Variants in GRM1 observed in about 807,000 individuals in gnomAD.
GRM1 encodes glutamate metabotropic receptor 1, also known as metabotropic glutamate receptor 1.
In GRM1, 33 loss-of-function variants were observed where a neutral mutation model predicts 90.9. The observed-to-expected ratio is 0.36, with a 90% CI of 0.28 to 0.49. The LOEUF (loss-of-function observed/expected upper bound fraction) is 0.49, where lower values mean the gene tolerates loss of function less well. Ranked by LOEUF, GRM1 falls within the 20% of genes least tolerant of loss-of-function variation. GRM1 has a pLI of 0.99. For synonymous variants in GRM1, 700 were observed against 613.2 expected, an observed-to-expected ratio of 1.14 and a Z score of -2.09; for missense variants, 1,190 against 1,534.3, an observed-to-expected ratio of 0.78 and a Z score of 3.75.
intron 1 of GRM1, 30 bp from the exon 2 acceptor site, chr6:146,159,318 C>T: frequency 6.2e-7 from 1 of 1,613,812 alleles, no homozygotes; most frequent in Non-Finnish European, 8.5e-7. Flanking sequence ...CCACAGTTGT[C>T]TTGAACATCT....
At chr6:146,332,787 T>G (rs996575515) in intron 3 of GRM1, among the ~76,000 whole-genome samples, 25 of 152,188 alleles carry the variant, frequency 1.6e-4, no homozygotes, top group Non-Finnish European at 3.5e-4. Flanking sequence ...TTTAAGGTAT[T>G]TTGTCCTCCT....
At chr6:146,278,978 T>C (rs1782472890) in intron 2 of GRM1, among the ~76,000 whole-genome samples, 1 of 152,174 alleles carries the variant, frequency 6.6e-6, no homozygotes, top group Non-Finnish European at 1.5e-5. Flanking sequence ...GTGTTGGAAT[T>C]ACAGGCGTGA....
At chr6:146,149,690 A>G (rs1464654087) in intron 1 of GRM1, among the ~76,000 whole-genome samples, 2 of 152,178 alleles carry the variant, frequency 1.3e-5, no homozygotes, top group Admixed American at 1.3e-4. Context: ...GCTGTAAGGC[A>G]CAATGGGAAC....
intron 1 of GRM1, among the ~76,000 whole-genome samples, chr6:146,131,576 G>A (rs1164889896): frequency 6.6e-6 from 1 of 151,938 alleles, no homozygotes; most frequent in East Asian, 1.9e-4. Flanking sequence ...CTCTAGAAGG[G>A]CAGTGATACC....
Position 146,360,193 on chromosome 6 carries a change from A to G in GRM1, c.1602+2499A>G, listed in dbSNP as rs147753234. On this transcript the variant is annotated intron_variant, in intron 5 of 7. Transcript: ENST00000282753. The stretch of plus-strand genomic sequence containing the variant: ...TTAGGAAAGGGTTATTTTAAATATC[A>G]AATCCATTTAAACTGCTAAAATAAT... 9.7e-4 allele frequency among the ~76,000 whole-genome samples: 147 copies of G among 152,312 alleles called. 1 individual carries two copies. The highest frequency in any genetic ancestry group is 3.2e-3 in the African/African-American group (135 of 41,566).
Position 146,259,469 on chromosome 6 carries a change from C to T in GRM1, c.951-45142C>T, listed in dbSNP as rs150063396. 3.3e-3 allele frequency among the ~76,000 whole-genome samples: 496 copies of T among 152,180 alleles called. 1 individual carries two copies. Among genetic ancestry groups the T allele is most frequent in the Admixed American group, 0.011 (171 of 15,272 alleles). ...CCATTTAGCAACAACTCCTGTGCCCCGCTGGCAGTGGCAGCCACCATTGTA... is the reference window on the plus strand; with the variant it reads ...CCATTTAGCAACAACTCCTGTGCCCTGCTGGCAGTGGCAGCCACCATTGTA... On this transcript the variant is annotated intron_variant, in intron 2 of 7. Transcript: ENST00000282753.
chr6:146,399,125 C>A lies in GRM1; in HGVS notation c.2086C>A (p.Arg696=). ...TGGCAGCAAGAAGAAGATCTGCACC[C>A]GGAAGCCCAGGTTCATGAGTGCCTG... is the stretch of plus-strand genomic sequence containing the variant. ...LAGSKKKICT[R]KPRFMSAWAQ... The change falls in exon 7 of 8, where the codon CGG becomes AGG. Residue 696 remains arginine (R), a synonymous_variant. Transcript: ENST00000282753. This position sits in a 1 kb window ranked among gnomAD's most constrained non-coding sequence, Gnocchi z 5.4. 6.2e-7 allele frequency: 1 copy of A among 1,614,060 alleles called. No homozygotes were observed. Among genetic ancestry groups the A allele is most frequent in the African/African-American group, 1.3e-5 (1 of 75,002 alleles).
chr6:146,378,992 A>G (rs974501282), intron 5 of GRM1, among the ~76,000 whole-genome samples: 1 of 152,148 alleles, frequency 6.6e-6, no homozygotes, highest in Non-Finnish European at 1.5e-5. Context: ...GGCTTCCCCA[A>G]CCATGTGAAA....
At chr6:146,159,292 G>A in intron 1 of GRM1, 56 bp from the exon 2 acceptor site, 2 of 1,607,854 alleles carry the variant, frequency 1.2e-6, no homozygotes. Flanking sequence ...ATTCCATTGT[G>A]TAAGTAGTGT....
chr6:146,140,573 A>T (rs1011478643), intron 1 of GRM1, among the ~76,000 whole-genome samples: 2 of 152,116 alleles, frequency 1.3e-5, no homozygotes, highest in Admixed American at 6.6e-5. Flanking sequence ...CCAGCCTGTT[A>T]TATGTTTTTT....
chr6:146,126,718 T>C (rs1776211807), intron 1 of GRM1, among the ~76,000 whole-genome samples: 1 of 152,170 alleles, frequency 6.6e-6, no homozygotes, highest in African/African-American at 2.4e-5. Flanking sequence ...ATTCATTAAT[T>C]TTAGAAGCTC....
chr6:146,317,542 AT>A (rs1784019825), intron 3 of GRM1, among the ~76,000 whole-genome samples: 1 of 152,056 alleles, frequency 6.6e-6, no homozygotes, highest in South Asian at 2.1e-4. Context: ...TTTGGTACCA[AT>A]TTCTGTATTT....
chr6:146,264,307 T>C (rs1781797970), intron 2 of GRM1, among the ~76,000 whole-genome samples: 1 of 152,054 alleles, frequency 6.6e-6, no homozygotes, highest in Admixed American at 6.6e-5. Context: ...GATATGAAAA[T>C]GGTATACTGT....
chr6:146,301,317 T>C (rs1358622324), intron 2 of GRM1, among the ~76,000 whole-genome samples: 1 of 152,210 alleles, frequency 6.6e-6, no homozygotes, highest in Admixed American at 6.5e-5. Flanking sequence ...CACTAAACCA[T>C]GTGACTTAAA....
At chr6:146,346,013 T>C (rs1337740462) in intron 3 of GRM1, among the ~76,000 whole-genome samples, 1 of 152,252 alleles carries the variant, frequency 6.6e-6, no homozygotes, top group African/African-American at 2.4e-5. Flanking sequence ...GCAGCCCTTG[T>C]TTCCTCTCTT....
At chr6:146,200,848 G>A (rs1779275489) in intron 2 of GRM1, among the ~76,000 whole-genome samples, 1 of 152,148 alleles carries the variant, frequency 6.6e-6, no homozygotes, top group African/African-American at 2.4e-5. Flanking sequence ...TTGCTACGCA[G>A]TTCAAATAAA....
At chr6:146,423,865 G>A (rs1309558188) in intron 7 of GRM1, among the ~76,000 whole-genome samples, 1 of 152,190 alleles carries the variant, frequency 6.6e-6, no homozygotes, top group Non-Finnish European at 1.5e-5. Context: ...AAAAAGCAGA[G>A]GTAAAGTGTT....
rs551139114 is a variant in GRM1 at position 146,036,496 on chromosome 6, A to G, written c.700+6279A>G. ...AATATTTGCTACTTTTTCCTGTTTA[A>G]TTGTTCTCTATGAATGTCTACAACA... is the stretch of plus-strand genomic sequence containing the variant. On this transcript the variant is annotated intron_variant, in intron 1 of 7. Transcript: ENST00000282753. 7.6e-4 allele frequency among the ~76,000 whole-genome samples: 116 copies of G among 152,068 alleles called. 1 individual carries two copies. Among genetic ancestry groups the G allele is most frequent in the Non-Finnish European group, 3.2e-4 (22 of 67,898 alleles).
Position 146,159,511 on chromosome 6 carries a change from C to T in GRM1, c.864C>T (p.Val288=), listed in dbSNP as rs1423375268. The change falls in exon 2 of 8, where the codon GTC becomes GTT. Residue 288 remains valine, a synonymous_variant. Transcript: ENST00000282753. ...RERLPKARVV[V]CFCEGMTVRG... ...GGCTTCCCAAGGCTAGAGTGGTGGT[C>T]TGCTTCTGTGAAGGCATGACAGTGC... is the stretch of plus-strand genomic sequence containing the variant. The T allele has an allele frequency of 1.2e-6, 2 of 1,614,154 alleles. No homozygotes were observed. The highest frequency in any genetic ancestry group is 1.7e-6 in the Non-Finnish European group (2 of 1,180,012).
Sources: gnomAD v4.1 joint callset for allele counts (sites outside exome capture counted in the v4.1 genomes callset) on GRCh38, gnomAD v4.1.1 for gene constraint, Gnocchi (gnomAD v3.1) non-coding constraint, MANE v1.5 for transcripts, NCBI Gene and HGNC (gene_info 2026-07-23, HGNC 2026-07-21) for gene names.